The following CADM1 variants were observed in gnomAD, a reference collection of about 807,000 sequenced individuals.
The protein encoded by CADM1 is TSLC-1.
A neutral mutation model predicts 53.1 loss-of-function variants in CADM1; 15 were observed. The ratio of observed to expected loss-of-function variants is 0.28; its 90% CI spans 0.19 to 0.44. The LOEUF is 0.44. Ranked by LOEUF, CADM1 falls within the 20% of genes least tolerant of loss-of-function variation. The pLI, the probability that CADM1 is intolerant of heterozygous loss-of-function variation, is 1.00. For missense variants in CADM1, 434 were observed against 611.3 expected (o/e 0.71, Z 3.06); for synonymous variants, 281 against 243.0 (o/e 1.16, Z -1.45).
intron 1 of CADM1, among the ~76,000 whole-genome samples, chr11:115,406,962 A>G (rs1028073420): frequency 6.6e-6 from 1 of 152,010 alleles, no homozygotes; most frequent in African/African-American, 2.4e-5. Context: ...AAAAAAAAAA[A>G]AAGAAAAAAA....
At chr11:115,222,978 G>GTTTTT (rs1941461668) in intron 5 of CADM1, among the ~76,000 whole-genome samples, 2 of 152,006 alleles carry the variant, frequency 1.3e-5, no homozygotes, top group East Asian at 3.9e-4. Context: ...GTTTTGTTTT[G>GTTTTT]TTCTGTTTCT....
At chr11:115,392,131 T>C (rs1410409194) in intron 1 of CADM1, among the ~76,000 whole-genome samples, 1 of 152,138 alleles carries the variant, frequency 6.6e-6, no homozygotes, top group African/African-American at 2.4e-5. Flanking sequence ...TCCTAGTCCT[T>C]CTTACCTTGC....
At chr11:115,330,718 A>G (rs773885783) in intron 1 of CADM1, among the ~76,000 whole-genome samples, 20 of 152,178 alleles carry the variant, frequency 1.3e-4, no homozygotes, top group Non-Finnish European at 2.5e-4. Flanking sequence ...TAGTGACCGC[A>G]TGTAGACGTC....
chr11:115,428,525 C>A (rs1359334638), intron 1 of CADM1, among the ~76,000 whole-genome samples: 1 of 152,020 alleles, frequency 6.6e-6, no homozygotes, highest in Non-Finnish European at 1.5e-5. Context: ...TGCTCATGAA[C>A]CCCCATCTGT....
intron 1 of CADM1, among the ~76,000 whole-genome samples, chr11:115,448,214 C>T (rs1388904917): frequency 6.6e-6 from 1 of 152,070 alleles, no homozygotes; most frequent in Non-Finnish European, 1.5e-5. Context: ...CAATTGTTTC[C>T]CTTTCTCATT....
intron 3 of CADM1, among the ~76,000 whole-genome samples, chr11:115,238,065 CA>C (rs1942072714): frequency 6.6e-6 from 1 of 152,034 alleles, no homozygotes. Flanking sequence ...AGGAGATCAA[CA>C]ATATTAAAAC....
At chr11:115,177,297 G>A (rs1252295770) in intron 11 of CADM1, among the ~76,000 whole-genome samples, 1 of 152,182 alleles carries the variant, frequency 6.6e-6, no homozygotes. Context: ...AATTGGCACA[G>A]CCACTTTATA....
intron 10 of CADM1, among the ~76,000 whole-genome samples, chr11:115,181,788 T>C (rs1428559083): frequency 6.6e-6 from 1 of 152,140 alleles, no homozygotes. Flanking sequence ...GTGTTTATAA[T>C]GCCATGGATT....
At chr11:115,400,661 G>GTATATATATA (rs372594262) in intron 1 of CADM1, among the ~76,000 whole-genome samples, 65 of 46,498 alleles carry the variant, frequency 1.4e-3, no homozygotes, top group Middle Eastern at 0.01. Context: ...GTGTGTGTGT[G>GTATATATATA]TATATATATA....
chr11:115,298,023 G>T (rs1241544919), intron 1 of CADM1, among the ~76,000 whole-genome samples: 1 of 152,134 alleles, frequency 6.6e-6, no homozygotes, highest in Non-Finnish European at 1.5e-5. Context: ...ATCACACAGA[G>T]GCAGAATATG....
chr11:115,219,586 A>G (rs141385756), intron 5 of CADM1, among the ~76,000 whole-genome samples: 1 of 152,318 alleles, frequency 6.6e-6, no homozygotes, highest in Non-Finnish European at 1.5e-5. Flanking sequence ...AAACTGTTTA[A>G]GAGCAAAATG....
chr11:115,414,008 A>G (rs1174817051), intron 1 of CADM1, among the ~76,000 whole-genome samples: 1 of 152,066 alleles, frequency 6.6e-6, no homozygotes, highest in Non-Finnish European at 1.5e-5. Context: ...CAGTCTCATG[A>G]TATCACACTC....
intron 8 of CADM1, among the ~76,000 whole-genome samples, 164 bp downstream of exon 8, chr11:115,209,410 T>C (rs1203515362): frequency 2.0e-5 from 3 of 152,238 alleles, no homozygotes; most frequent in African/African-American, 4.8e-5. Flanking sequence ...TCTGAGGTCC[T>C]TAAGATTCAA....
intron 1 of CADM1, among the ~76,000 whole-genome samples, chr11:115,471,664 C>G (rs1023481370): frequency 6.6e-6 from 1 of 152,218 alleles, no homozygotes; most frequent in Admixed American, 6.5e-5. Flanking sequence ...GGCATTCTAA[C>G]ATGTTCCCAG....
Position 115,229,277 on chromosome 11 carries a change from G to T in CADM1, c.563-6C>A. 6.2e-7 allele frequency: 1 copy of T among 1,613,946 alleles called. No individual in the cohort carries two copies. Among genetic ancestry groups the T allele is most frequent in the South Asian group, 1.1e-5 (1 of 91,056 alleles). On this transcript the variant is annotated splice_polypyrimidine_tract_variant and splice_region_variant and intron_variant, in intron 4 of 11. Coordinates refer to ENST00000331581, the MANE Select transcript of CADM1 (RefSeq NM_001301043.2). ...CTCTTCCACCTCCGATTTGCCTGGGGAACAGAAAATGTACCAAGACACCAG... is the reference window on the plus strand; with the variant it reads ...CTCTTCCACCTCCGATTTGCCTGGGTAACAGAAAATGTACCAAGACACCAG...
At chr11:115,476,559 A>T (rs1221126390) in intron 1 of CADM1, among the ~76,000 whole-genome samples, 1 of 152,190 alleles carries the variant, frequency 6.6e-6, no homozygotes, top group Non-Finnish European at 1.5e-5. Context: ...GGCCAGGAGC[A>T]CGCTGCGTGG....
intron 1 of CADM1, among the ~76,000 whole-genome samples, chr11:115,355,501 A>AC (rs1179460304): frequency 1.3e-5 from 2 of 152,104 alleles, no homozygotes; most frequent in African/African-American, 4.8e-5. Flanking sequence ...GATCGGAAAA[A>AC]ATAACTATTG....
intron 1 of CADM1, among the ~76,000 whole-genome samples, chr11:115,498,784 C>T (rs1019270795): frequency 6.6e-6 from 1 of 152,042 alleles, no homozygotes; most frequent in Admixed American, 6.5e-5. Context: ...TGCGTACGGC[C>T]AGATAATAAT....
chr11:115,284,114 C>CTCTCTCTCTGTG (rs1351842329), intron 1 of CADM1, among the ~76,000 whole-genome samples: 5 of 98,616 alleles, frequency 5.1e-5, no homozygotes, highest in Non-Finnish European at 1.1e-4. Context: ...CTCTCTCTCT[C>CTCTCTCTCTGTG]TGTGTGTGTG....
Sources: gnomAD v4.1 joint callset for allele counts (sites outside exome capture counted in the v4.1 genomes callset) on GRCh38, gnomAD v4.1.1 for gene constraint, MANE v1.5 for transcripts, NCBI Gene and HGNC (gene_info 2026-07-23, HGNC 2026-07-21) for gene names.